AP3B1: variants seen among roughly 807,000 people sequenced by gnomAD.
AP3B1 encodes the protein AP-3 complex subunit beta-1.
In AP3B1, 61 loss-of-function variants were observed where a neutral mutation model predicts 132.5. The observed-to-expected ratio is 0.46, with a 90% CI of 0.37 to 0.57. The LOEUF (loss-of-function observed/expected upper bound fraction) is 0.57, where lower values mean the gene tolerates loss of function less well. Among genes scored for constraint, AP3B1 ranks in the 20% least tolerant of loss-of-function variants. The probability of loss-of-function intolerance (pLI) is 0.00; values close to 1 mark genes in which losing one functional copy is unlikely to be tolerated. For synonymous variants in AP3B1, 388 were observed against 438.3 expected (o/e 0.89, Z 1.43); for missense variants, 1,120 against 1,289.4 (o/e 0.87, Z 2.01).
intron 11 of AP3B1, among the ~76,000 whole-genome samples, chr5:78,168,883 A>G (rs902309460): frequency 6.6e-6 from 1 of 151,958 alleles, no homozygotes; most frequent in African/African-American, 2.4e-5. Flanking sequence ...TTTAACTTAT[A>G]TGACCTTGAC....
chr5:78,120,289 G>A (rs12514265), intron 17 of AP3B1, among the ~76,000 whole-genome samples: 6 of 152,160 alleles, frequency 3.9e-5, no homozygotes, highest in Middle Eastern at 3.2e-3. Context: ...ATCAACTAAC[G>A]AGCAAAATAA....
At chr5:78,157,054 G>C (rs1220603181) in intron 13 of AP3B1, among the ~76,000 whole-genome samples, 1 of 152,098 alleles carries the variant, frequency 6.6e-6, no homozygotes, top group Non-Finnish European at 1.5e-5. Flanking sequence ...GCTGTGTTTA[G>C]TCAATAGAAA....
intron 1 of AP3B1, among the ~76,000 whole-genome samples, chr5:78,286,515 A>G (rs1749287779): frequency 6.6e-6 from 1 of 152,214 alleles, no homozygotes; most frequent in Non-Finnish European, 1.5e-5. Flanking sequence ...AGAAGCAAAG[A>G]GCAGCCCTCA....
At chr5:78,279,875 T>C (rs963270554) in intron 1 of AP3B1, among the ~76,000 whole-genome samples, 1 of 145,438 alleles carries the variant, frequency 6.9e-6, no homozygotes, top group Non-Finnish European at 1.5e-5. Context: ...TAAATATATA[T>C]ATATATGACT....
At chr5:78,009,138 C>G (rs4703747) in intron 26 of AP3B1, among the ~76,000 whole-genome samples, 23,638 of 152,050 alleles carry the variant, frequency 0.16, 2,308 homozygotes, top group Admixed American at 0.26. Context: ...CAGTGATTAA[C>G]TGGGTGAGTT....
chr5:78,060,302 C>T (rs1411910645), intron 22 of AP3B1, among the ~76,000 whole-genome samples: 8 of 152,096 alleles, frequency 5.3e-5, no homozygotes, highest in Admixed American at 1.3e-4. Flanking sequence ...CACCAGTGAA[C>T]GCTTATGCAA....
chr5:78,244,260 A>G (rs1189366781), intron 2 of AP3B1, among the ~76,000 whole-genome samples: 1 of 152,036 alleles, frequency 6.6e-6, no homozygotes, highest in Non-Finnish European at 1.5e-5. Flanking sequence ...ACACAAACAC[A>G]AAATTAGCCA....
At chr5:78,168,074 G>A (rs1203419140) in intron 11 of AP3B1, among the ~76,000 whole-genome samples, 1 of 151,168 alleles carries the variant, frequency 6.6e-6, no homozygotes, top group African/African-American at 2.4e-5. Flanking sequence ...CAATTAGAAG[G>A]CAAAGACTGT....
At chr5:78,193,771 T>TATATATATATATATA (rs1491367040) in intron 7 of AP3B1, among the ~76,000 whole-genome samples, 6 of 78,110 alleles carry the variant, frequency 7.7e-5, no homozygotes, top group South Asian at 3.4e-4. Context: ...TATATATATA[T>TATATATATATATATA]TTTTTTTTTA....
intron 1 of AP3B1, among the ~76,000 whole-genome samples, chr5:78,292,969 C>T (rs1279920634): frequency 6.6e-6 from 1 of 152,074 alleles, no homozygotes; most frequent in Non-Finnish European, 1.5e-5. Flanking sequence ...GCTTCCGCCT[C>T]CCGGGTTCAA....
At chr5:78,228,323 T>C (rs563961650) in intron 3 of AP3B1, 84 bp from the exon 4 acceptor site, 1 of 851,210 alleles carries the variant, frequency 1.2e-6, no homozygotes, top group African/African-American at 1.7e-5. Flanking sequence ...TGCTCAATTC[T>C]TCTCAAGTAA....
chr5:78,003,077 C>A (rs201198522), intron 26 of AP3B1, 22 bp from the exon 27 acceptor site: 2 of 1,612,994 alleles, frequency 1.2e-6, no homozygotes, highest in South Asian at 2.2e-5. Flanking sequence ...AAAAGAGAGA[C>A]CTTTTATCAT....
At chr5:78,146,965 G>T (rs149881253) in intron 14 of AP3B1, among the ~76,000 whole-genome samples, 1 of 151,920 alleles carries the variant, frequency 6.6e-6, no homozygotes, top group Non-Finnish European at 1.5e-5. Flanking sequence ...AATATTCACT[G>T]GATATACTCC....
chr5:78,218,583 T>C (rs927727083), intron 6 of AP3B1, among the ~76,000 whole-genome samples: 5 of 152,270 alleles, frequency 3.3e-5, no homozygotes, highest in Admixed American at 6.5e-5. Context: ...TCATATTTTC[T>C]CTAGATTATC....
chr5:78,183,142 G>A (rs1389868079), intron 7 of AP3B1, among the ~76,000 whole-genome samples: 1 of 152,306 alleles, frequency 6.6e-6, no homozygotes, highest in Middle Eastern at 3.4e-3. Flanking sequence ...AGAGAAAGAC[G>A]GTTGGGGAGC....
chr5:78,026,181 T>G (rs537892025), intron 24 of AP3B1, among the ~76,000 whole-genome samples: 8 of 152,336 alleles, frequency 5.3e-5, no homozygotes, highest in African/African-American at 1.7e-4. Flanking sequence ...AAATGACTGA[T>G]GATAGATGTA....
intron 2 of AP3B1, 140 bp downstream of exon 2, chr5:78,267,380 G>T: frequency 2.7e-6 from 1 of 374,034 alleles, no homozygotes; most frequent in Non-Finnish European, 4.6e-6. Flanking sequence ...TAACATTTTT[G>T]GACAGGAAAT....
chr5:78,104,624 T>C (rs1284616381), intron 20 of AP3B1, among the ~76,000 whole-genome samples: 2 of 152,176 alleles, frequency 1.3e-5, no homozygotes, highest in Non-Finnish European at 2.9e-5. Flanking sequence ...AAATAGAACA[T>C]AAAACCAATC....
intron 22 of AP3B1, among the ~76,000 whole-genome samples, chr5:78,078,058 T>G (rs567895720): frequency 6.6e-6 from 1 of 152,216 alleles, no homozygotes; most frequent in African/African-American, 2.4e-5. Context: ...TGTGTGTGTA[T>G]GCACACACAT....
Sources: gnomAD v4.1 joint callset for allele counts (sites outside exome capture counted in the v4.1 genomes callset) on GRCh38, gnomAD v4.1.1 for gene constraint, MANE v1.5 for transcripts, NCBI Gene and HGNC (gene_info 2026-07-23, HGNC 2026-07-21) for gene names.